The following DNMBP variants were observed in gnomAD, a reference collection of about 807,000 sequenced individuals.
The protein encoded by DNMBP is dynamin-binding protein.
In DNMBP, 87 loss-of-function variants were observed where a neutral mutation model predicts 150.0. That is an observed-to-expected ratio of 0.58 (90% CI 0.49 to 0.69). DNMBP has a LOEUF of 0.69. Among genes scored for constraint, DNMBP ranks in the 30% least tolerant of loss-of-function variants. The pLI is 0.00. For missense variants in DNMBP, 1,774 were observed against 1,949.0 expected (o/e 0.91, Z 1.69); for synonymous variants, 711 against 750.4 (o/e 0.95, Z 0.86).
chr10:99,958,427 T>C (rs934023930), intron 3 of DNMBP: 6 of 152,238 alleles, frequency 3.9e-5, no homozygotes, highest in Non-Finnish European at 8.8e-5. Context: ...GTCTGTTTAT[T>C]TTCACATAAC....
chr10:99,970,971 C>CAAAAAAAAAAAAAAA lies in DNMBP; in HGVS notation c.145+994_145+1008dup, dbSNP rs532226561. Among the ~76,000 whole-genome samples, 235 of 33,186 alleles carry CAAAAAAAAAAAAAAA rather than the reference C, an allele frequency of 7.1e-3. 31 individuals carry two copies. The highest frequency in any genetic ancestry group is 0.018 in the South Asian group (9 of 508). 21.8% of individuals were successfully genotyped at this position (33,186 alleles called of 152,430 possible). ...TGGGCAACAGAGCAAGACTCCGTCT[C>CAAAAAAAAAAAAAAA]AAAAAAAAAAAAAAAAAAAAAAAAA... On this transcript the variant is annotated intron_variant, in intron 2 of 16. Transcript: ENST00000324109.
intron 4 of DNMBP, among the ~76,000 whole-genome samples, chr10:99,917,985 AAAAAAG>A (rs150026334): frequency 0.39 from 56,512 of 145,584 alleles, 11,080 homozygotes; most frequent in Non-Finnish European, 0.41. Context: ...AAAAAAAAAA[AAAAAAG>A]AAAAGAAAGG....
At chr10:99,961,164 A>T (rs1258268332) in intron 3 of DNMBP, among the ~76,000 whole-genome samples, 2 of 150,578 alleles carry the variant, frequency 1.3e-5, no homozygotes, top group Non-Finnish European at 3.0e-5. Context: ...CTTCAACTCC[A>T]ACTCCCAAAT....
rs935172610 is a variant in DNMBP at position 99,877,162 on chromosome 10, C to T, written c.4723G>A (p.Glu1575Lys). ...YVPSNYIRKT[E>K]YT ...CAGGCAACGTGGGCTCAGGTGTACT[C>T]GGTTTTGCGGATATAATTGGAGGGA... The change falls in exon 17 of 17, where the codon GAG becomes AAG. Residue 1575 changes from glutamate to lysine, a missense_variant. This residue lies in a region of DNMBP where 1,430 missense variants were observed against 1,492.5 expected (regional missense o/e 0.96). Coordinates refer to ENST00000324109, the MANE Select transcript of DNMBP (RefSeq NM_015221.4). 1.2e-6 allele frequency: 2 copies of T among 1,609,828 alleles called. No homozygotes were observed. Among genetic ancestry groups the T allele is most frequent in the Non-Finnish European group, 1.7e-6 (2 of 1,178,224 alleles).
intron 4 of DNMBP, among the ~76,000 whole-genome samples, chr10:99,935,564 T>G (rs2040220591): frequency 6.6e-6 from 1 of 151,828 alleles, no homozygotes; most frequent in African/African-American, 2.4e-5. Flanking sequence ...ACTTAAATTT[T>G]TTGTTGTTGT....
chr10:99,971,988 T>G lies in DNMBP; in HGVS notation c.137A>C (p.Asp46Ala), dbSNP rs751026373. The G allele has an allele frequency of 2.5e-6, 4 of 1,612,938 alleles. No homozygotes were observed. In the Admixed American group the frequency reaches 6.7e-5, roughly 27 times the overall value. ...DEFWLLGKKE[D>A]VTGQFPSSFV... is the part of the protein sequence containing the mutation. Reference sequence around the variant, plus strand: ...ATGAGTCTCTTACTTACCTGTAACATCCTCCTTCTTTCCTAGAAGCCAAAA... The same window carrying G: ...ATGAGTCTCTTACTTACCTGTAACAGCCTCCTTCTTTCCTAGAAGCCAAAA... Residue 46 changes from aspartate to alanine, a missense_variant, in exon 2 of 17, where the codon GAT (aspartate) becomes GCT (alanine). By Grantham distance (126) the Asp-to-Ala change is moderately radical (BLOSUM62 -2). Coordinates refer to ENST00000324109, the MANE Select transcript of DNMBP (RefSeq NM_015221.4).
intron 1 of DNMBP, among the ~76,000 whole-genome samples, chr10:99,982,548 T>C (rs1043256655): frequency 3.3e-5 from 5 of 151,816 alleles, no homozygotes; most frequent in African/African-American, 4.8e-5. Flanking sequence ...TAAATCCAGG[T>C]GAGAGGTAAG....
chr10:99,969,928 T>TA (rs1296223365), intron 2 of DNMBP, among the ~76,000 whole-genome samples: 5 of 152,204 alleles, frequency 3.3e-5, no homozygotes, highest in Admixed American at 1.3e-4. Context: ...GTGAGTTTTC[T>TA]AAAATTCAAA....
At chr10:100,006,298 G>C (rs1195391897) in intron 1 of DNMBP, among the ~76,000 whole-genome samples, 1 of 152,204 alleles carries the variant, frequency 6.6e-6, no homozygotes, top group Non-Finnish European at 1.5e-5. Context: ...GTCATCTGAA[G>C]CGATTTACTT....
intron 15 of DNMBP, 96 bp from the exon 16 acceptor site, chr10:99,880,457 C>T (rs1217779069): frequency 7.1e-7 from 1 of 1,405,286 alleles, no homozygotes; most frequent in Non-Finnish European, 9.3e-7. Context: ...CTAGGTTATT[C>T]ATCTGTAAAA....
At chr10:99,928,524 T>G (rs188070829) in intron 4 of DNMBP, among the ~76,000 whole-genome samples, 7 of 152,298 alleles carry the variant, frequency 4.6e-5, no homozygotes, top group African/African-American at 1.4e-4. Flanking sequence ...AACAGAGAGT[T>G]CAGTAATTAT....
intron 4 of DNMBP, among the ~76,000 whole-genome samples, chr10:99,934,243 G>A (rs28552652): frequency 0.062 from 9,471 of 152,050 alleles, 408 homozygotes; most frequent in African/African-American, 0.11. Context: ...AATTCATGAT[G>A]TAGACAATAA....
intron 1 of DNMBP, among the ~76,000 whole-genome samples, chr10:99,989,354 T>C (rs968073410): frequency 6.6e-6 from 1 of 152,278 alleles, no homozygotes; most frequent in Non-Finnish European, 1.5e-5. Flanking sequence ...AATCTGCCAT[T>C]AGAAGAGCAT....
chr10:99,966,789 T>G (rs900119499), intron 3 of DNMBP, among the ~76,000 whole-genome samples: 5 of 146,196 alleles, frequency 3.4e-5, no homozygotes, highest in East Asian at 2.0e-4. Flanking sequence ...ATACGTTTTG[T>G]TTTTTTTTTG....
Position 99,894,937 on chromosome 10 carries a change from G to C in DNMBP, c.3156+9C>G. ...ATGTTAATCTAACTACAGTGATGTT[G>C]ATGCTCACCCGGATGTGCTGGAGGT... is the stretch of plus-strand genomic sequence containing the variant. On this transcript the variant is annotated intron_variant, in intron 11 of 16. Transcript: ENST00000324109. 1 of 1,594,834 alleles carries C rather than the reference G, an allele frequency of 6.3e-7. No homozygotes were observed.
intron 3 of DNMBP, among the ~76,000 whole-genome samples, chr10:99,968,705 AG>A (rs769395541): frequency 0.13 from 18,529 of 142,180 alleles, 1,643 homozygotes; most frequent in African/African-American, 0.27. Flanking sequence ...AAAAAAAAAA[AG>A]AGAGAGAGAG....
chr10:99,878,058 G>A (rs1227664588), intron 16 of DNMBP, among the ~76,000 whole-genome samples: 1 of 152,158 alleles, frequency 6.6e-6, no homozygotes, highest in Non-Finnish European at 1.5e-5. Context: ...GGCAGAGGTT[G>A]CACCACTGCA....
In DNMBP at chr10:99,896,259, G is replaced by C. The variant is rs1391850368; in HGVS notation, c.3051+8C>G. The C allele has an allele frequency of 6.2e-7, 1 of 1,613,904 alleles. No individual in the cohort carries two copies. Among genetic ancestry groups the C allele is most frequent in the Admixed American group, 1.7e-5 (1 of 60,006 alleles). On this transcript the variant is annotated splice_region_variant and intron_variant, in intron 10 of 16. Transcript: ENST00000324109. ...GATGCGCTAAGCCTTCCAGGATGGG[G>C]ATCTCACCTGAGGAGCAAAGCCAGT... is the stretch of plus-strand genomic sequence containing the variant.
At chr10:99,907,212 A>G (rs2039837219) in intron 6 of DNMBP, among the ~76,000 whole-genome samples, 2 of 151,812 alleles carry the variant, frequency 1.3e-5, no homozygotes, top group South Asian at 4.2e-4. Flanking sequence ...CTGTATTCCC[A>G]GCTATGTGGG....
Sources: gnomAD v4.1 joint callset for allele counts (sites outside exome capture counted in the v4.1 genomes callset) on GRCh38, gnomAD v4.1.1 for gene constraint, gnomAD v4.1.1 regional missense constraint, MANE v1.5 for transcripts, NCBI Gene and HGNC (gene_info 2026-07-23, HGNC 2026-07-21) for gene names.